CACNA1D: variants seen among roughly 807,000 people sequenced by gnomAD.
The protein encoded by CACNA1D is voltage-dependent L-type calcium channel subunit alpha-1D.
In CACNA1D, 55 loss-of-function variants were observed where a neutral mutation model predicts 257.1. The observed-to-expected ratio is 0.21, with a 90% CI of 0.17 to 0.27. The LOEUF is 0.27. Among genes scored for constraint, CACNA1D ranks in the 10% least tolerant of loss-of-function variants. CACNA1D has a pLI of 1.00. For missense variants in CACNA1D, 1,876 were observed against 2,784.0 expected (o/e 0.67, Z 7.34); for synonymous variants, 980 against 1,014.9 (o/e 0.97, Z 0.65).
chr3:53,540,563 A>T (rs115149466), intron 3 of CACNA1D, among the ~76,000 whole-genome samples: 2,792 of 152,072 alleles, frequency 0.018, 92 homozygotes, highest in African/African-American at 0.062. Context: ...ATGATCTTTT[A>T]AAAAAAGTCT....
chr3:53,706,623 T>C (rs2094691852), intron 9 of CACNA1D, among the ~76,000 whole-genome samples: 1 of 152,156 alleles, frequency 6.6e-6, no homozygotes. Flanking sequence ...CTCAACAGAA[T>C]TTTAGGGGTA....
chr3:53,642,387 C>T (rs543151725), intron 3 of CACNA1D, among the ~76,000 whole-genome samples: 2 of 152,226 alleles, frequency 1.3e-5, no homozygotes, highest in Non-Finnish European at 1.5e-5. Flanking sequence ...TGGGTTGGAG[C>T]TTATGCCTAT....
At chr3:53,603,278 G>A (rs897173984) in intron 3 of CACNA1D, among the ~76,000 whole-genome samples, 1 of 152,218 alleles carries the variant, frequency 6.6e-6, no homozygotes, top group Non-Finnish European at 1.5e-5. Flanking sequence ...TGCTTGCCTT[G>A]AACAGCAGTG....
At chr3:53,570,835 G>T (rs1369535011) in intron 3 of CACNA1D, among the ~76,000 whole-genome samples, 1 of 152,216 alleles carries the variant, frequency 6.6e-6, no homozygotes, top group Non-Finnish European at 1.5e-5. Flanking sequence ...ATTAGCAAAG[G>T]CTAAAAATGG....
chr3:53,495,214 G>C lies in CACNA1D; in HGVS notation c.48G>C (p.Gln16His). Reference sequence around the variant, plus strand: ...AAAAAATGCAGCATCAACGGCAGCAGCAAGCGGACCACGCGAACGGTGAGC... The same window carrying C: ...AAAAAATGCAGCATCAACGGCAGCACCAAGCGGACCACGCGAACGGTGAGC... ...MMKKMQHQRQ[Q>H]QADHANEANY... The change falls in exon 1 of 48, where the codon CAG becomes CAC. Residue 16 changes from glutamine (Q) to histidine (H), a missense_variant. Around this residue, in one of 10 missense-constraint regions of CACNA1D, gnomAD observed 143 missense variants for 168.7 expected, o/e 0.85. Coordinates refer to ENST00000350061, the MANE Select transcript of CACNA1D (RefSeq NM_001128840.3). This position sits in a 1 kb window ranked among gnomAD's most constrained non-coding sequence, Gnocchi z 5.1. 1 of 1,613,812 alleles carries C rather than the reference G, an allele frequency of 6.2e-7. No homozygotes were observed. Among genetic ancestry groups the C allele is most frequent in the Non-Finnish European group, 8.5e-7 (1 of 1,180,024 alleles).
At chr3:53,569,889 G>A (rs1406110645) in intron 3 of CACNA1D, among the ~76,000 whole-genome samples, 1 of 152,130 alleles carries the variant, frequency 6.6e-6, no homozygotes, top group Non-Finnish European at 1.5e-5. Context: ...TAAAGTGAAA[G>A]ATTTGGTTCA....
intron 11 of CACNA1D, among the ~76,000 whole-genome samples, chr3:53,721,342 G>A (rs1057358179): frequency 6.6e-6 from 1 of 152,232 alleles, no homozygotes; most frequent in African/African-American, 2.4e-5. Flanking sequence ...AGCTTGGGTA[G>A]CCTGGAGATT....
At chr3:53,679,269 T>TAAAAAAAAAAAAAAA (rs1559504844) in intron 8 of CACNA1D, 2 of 6,376 alleles carry the variant, frequency 3.1e-4, no homozygotes, top group African/African-American at 6.6e-4. Context: ...AAACTCCATC[T>TAAAAAAAAAAAAAAA]CAAAAAAAAA....
intron 3 of CACNA1D, among the ~76,000 whole-genome samples, chr3:53,623,747 G>A (rs567691757): frequency 6.6e-6 from 1 of 152,260 alleles, no homozygotes; most frequent in South Asian, 2.1e-4. Context: ...TTGATCACCT[G>A]GATACCTTTG....
chr3:53,803,665 G>A, intron 44 of CACNA1D, 93 bp downstream of exon 44: 3 of 1,340,478 alleles, frequency 2.2e-6, no homozygotes, highest in Non-Finnish European at 3.2e-6. Context: ...AGCTGCACTT[G>A]GGCTTCCCCT....
intron 15 of CACNA1D, among the ~76,000 whole-genome samples, chr3:53,728,126 T>TTTTA (rs2094953918): frequency 6.6e-6 from 1 of 152,050 alleles, no homozygotes; most frequent in East Asian, 1.9e-4. Flanking sequence ...TCTACTGGAT[T>TTTTA]TTTATTTATT....
intron 39 of CACNA1D, chr3:53,785,574 C>T (rs374440808): frequency 3.5e-4 from 53 of 152,384 alleles, no homozygotes; most frequent in African/African-American, 1.3e-3. Context: ...CATCAAGCTT[C>T]AGGATCCATG....
intron 3 of CACNA1D, among the ~76,000 whole-genome samples, chr3:53,503,375 A>G (rs999667925): frequency 4.6e-5 from 7 of 152,236 alleles, no homozygotes; most frequent in African/African-American, 7.2e-5. Context: ...GAAGTGGTGG[A>G]AAGCCTCCCA....
At chr3:53,741,723 T>G (rs2095120435) in intron 21 of CACNA1D, among the ~76,000 whole-genome samples, 1 of 152,168 alleles carries the variant, frequency 6.6e-6, no homozygotes, top group Admixed American at 6.5e-5. Flanking sequence ...GCCAGAACAC[T>G]CACCGGCTCA....
intron 3 of CACNA1D, among the ~76,000 whole-genome samples, chr3:53,642,018 A>G (rs1337121908): frequency 6.6e-6 from 1 of 152,218 alleles, no homozygotes; most frequent in Non-Finnish European, 1.5e-5. Flanking sequence ...GCAGGTGACA[A>G]AAACTGAACC....
intron 32 of CACNA1D, among the ~76,000 whole-genome samples, chr3:53,771,523 A>G (rs936423232): frequency 6.6e-6 from 1 of 152,198 alleles, no homozygotes; most frequent in African/African-American, 2.4e-5. Context: ...TCACAAGGGA[A>G]GTCACAGATC....
rs1227272344 is a variant in CACNA1D, at chr3:53,811,257, C to A, written c.6337C>A (p.Pro2113Thr). Residue 2113 changes from proline (P) to threonine (T), a missense_variant, in exon 48 of 48, where the codon CCC becomes ACC. Physicochemically the swap from Pro to Thr is conservative, Grantham distance 38. Around this residue, in one of 10 missense-constraint regions of CACNA1D, gnomAD observed 491 missense variants for 554.3 expected, o/e 0.89. Coordinates refer to ENST00000350061, the MANE Select transcript of CACNA1D (RefSeq NM_001128840.3). The surrounding 1 kb of genome is among the most constrained non-coding windows in gnomAD (Gnocchi z 4.2). ...ASTLLNGNVR[P>T]RANGDVGPLS... ...CACCCTGCTTAATGGGAACGTGCGT[C>A]CCCGAGCCAACGGGGATGTGGGCCC... 4 of 1,613,876 alleles carry A rather than the reference C, an allele frequency of 2.5e-6. No individual in the cohort carries two copies. The highest frequency in any genetic ancestry group is 3.4e-6 in the Non-Finnish European group (4 of 1,180,034).
At chr3:53,674,166 A>ACATAAC (rs1233091821) in intron 8 of CACNA1D, 2 of 409,148 alleles carry the variant, frequency 4.9e-6, no homozygotes, top group Admixed American at 7.5e-5. Context: ...GTCTATTAGT[A>ACATAAC]CATAACTCCT....
At chr3:53,604,199 G>A (rs1373251846) in intron 3 of CACNA1D, among the ~76,000 whole-genome samples, 2 of 152,178 alleles carry the variant, frequency 1.3e-5, no homozygotes, top group Non-Finnish European at 2.9e-5. Flanking sequence ...TTAATTGTGT[G>A]AAAAGTGGGA....
Sources: gnomAD v4.1 joint callset for allele counts (sites outside exome capture counted in the v4.1 genomes callset) on GRCh38, gnomAD v4.1.1 for gene constraint, gnomAD v4.1.1 regional missense constraint, Gnocchi (gnomAD v3.1) non-coding constraint, MANE v1.5 for transcripts, NCBI Gene and HGNC (gene_info 2026-07-23, HGNC 2026-07-21) for gene names.